The following ERC1 variants were observed in gnomAD, a reference collection of about 807,000 sequenced individuals.
ERC1 encodes RAB6 interacting protein 2.
A neutral mutation model predicts 132.0 loss-of-function variants in ERC1; 56 were observed. That is an observed-to-expected ratio of 0.42 (90% CI 0.34 to 0.53). ERC1 has a LOEUF of 0.53. Ranked by LOEUF, ERC1 falls within the 20% of genes least tolerant of loss-of-function variation. The pLI, the probability that ERC1 is intolerant of heterozygous loss-of-function variation, is 0.03. For missense variants in ERC1, 1,202 were observed against 1,349.9 expected (o/e 0.89, Z 1.72); for synonymous variants, 478 against 476.1 (o/e 1.00, Z -0.05).
intron 18 of ERC1, among the ~76,000 whole-genome samples, chr12:1,468,693 G>A (rs2093797177): frequency 6.6e-6 from 1 of 152,138 alleles, no homozygotes; most frequent in Non-Finnish European, 1.5e-5. Flanking sequence ...CAGGCTCTCA[G>A]GGATCACTGT....
intron 18 of ERC1, among the ~76,000 whole-genome samples, chr12:1,484,299 G>A (rs909200715): frequency 1.5e-4 from 23 of 149,234 alleles, no homozygotes; most frequent in African/African-American, 2.7e-4. Flanking sequence ...GCGAGACTCC[G>A]TCTCAAAAAA....
At chr12:1,117,698 T>G (rs1946598539) in intron 7 of ERC1, among the ~76,000 whole-genome samples, 1 of 152,264 alleles carries the variant, frequency 6.6e-6, no homozygotes, top group Non-Finnish European at 1.5e-5. Context: ...TTACTGCCAG[T>G]GTCTGGCACA....
At chr12:1,119,144 G>T (rs1946776098) in intron 7 of ERC1, among the ~76,000 whole-genome samples, 1 of 152,114 alleles carries the variant, frequency 6.6e-6, no homozygotes, top group African/African-American at 2.4e-5. Flanking sequence ...CTCCCAAAGT[G>T]CTCGGATTAC....
intron 2 of ERC1, among the ~76,000 whole-genome samples, chr12:1,055,399 C>T (rs1263519746): frequency 3.9e-5 from 6 of 152,064 alleles, no homozygotes; most frequent in Non-Finnish European, 5.9e-5. Flanking sequence ...AGGCTGGTCT[C>T]GAACTCCTGA....
At chr12:1,336,670 G>T (rs2083338967) in intron 15 of ERC1, among the ~76,000 whole-genome samples, 1 of 152,178 alleles carries the variant, frequency 6.6e-6, no homozygotes, top group South Asian at 2.1e-4. Flanking sequence ...GTCCAATTAT[G>T]TGGTCAGTTT....
intron 15 of ERC1, among the ~76,000 whole-genome samples, chr12:1,304,814 G>T (rs2080725756): frequency 1.0e-5 from 1 of 98,048 alleles, no homozygotes; most frequent in Non-Finnish European, 2.0e-5. Context: ...TTTTGAGACG[G>T]AGTCTCGCTC....
chr12:1,110,154 G>T, intron 4 of ERC1, 38 bp from the exon 5 acceptor site: 1 of 1,532,596 alleles, frequency 6.5e-7, no homozygotes. Context: ...CTGGGTTTTT[G>T]TGAATACTTC....
chr12:1,159,425 C>T (rs143444704), intron 8 of ERC1, among the ~76,000 whole-genome samples: 2 of 152,274 alleles, frequency 1.3e-5, no homozygotes, highest in African/African-American at 2.4e-5. Flanking sequence ...CAGGTGGTCA[C>T]GCTCACTTGT....
intron 3 of ERC1, among the ~76,000 whole-genome samples, chr12:1,096,579 A>G (rs766255152): frequency 3.9e-5 from 6 of 152,236 alleles, no homozygotes; most frequent in Non-Finnish European, 7.3e-5. Flanking sequence ...TGGACAAACT[A>G]GGCTGGGAGG....
chr12:1,478,026 C>T (rs1202085899), intron 18 of ERC1, among the ~76,000 whole-genome samples: 1 of 152,128 alleles, frequency 6.6e-6, no homozygotes, highest in Non-Finnish European at 1.5e-5. Flanking sequence ...TTGGGTTGTT[C>T]CCAGGTTTTA....
chr12:1,489,166 AGGCTT>A (rs2094288754), intron 18 of ERC1, among the ~76,000 whole-genome samples: 1 of 152,028 alleles, frequency 6.6e-6, no homozygotes, highest in Non-Finnish European at 1.5e-5. Context: ...TGCCATCCTG[AGGCTT>A]CCCTTTTCGC....
At chr12:1,318,794 G>A (rs2154353068) in intron 15 of ERC1, among the ~76,000 whole-genome samples, 1 of 152,042 alleles carries the variant, frequency 6.6e-6, no homozygotes, top group African/African-American at 2.4e-5. Flanking sequence ...GCATTGAAAG[G>A]CTGTTGGCAC....
chr12:1,015,801 CGTT>C (rs917125322), intron 1 of ERC1, among the ~76,000 whole-genome samples: 1 of 152,104 alleles, frequency 6.6e-6, no homozygotes, highest in African/African-American at 2.4e-5. Flanking sequence ...ATATTTGACT[CGTT>C]GATGAGCATA....
chr12:1,208,267 G>T (rs1193038068), intron 12 of ERC1, among the ~76,000 whole-genome samples: 1 of 152,168 alleles, frequency 6.6e-6, no homozygotes, highest in African/African-American at 2.4e-5. Flanking sequence ...ATGGCCCACA[G>T]CCCATGGCCT....
At chr12:1,200,775 G>T (rs59957408) in intron 12 of ERC1, among the ~76,000 whole-genome samples, 8,291 of 151,994 alleles carry the variant, frequency 0.055, 492 homozygotes, top group African/African-American at 0.15. Flanking sequence ...AGCCAGGATG[G>T]TCTCGATCTC....
Position 1,401,135 on chromosome 12 carries a change from C to T in ERC1, c.2926-7014C>T, listed in dbSNP as rs565316891. On this transcript the variant is annotated intron_variant, in intron 16 of 18. Coordinates refer to ENST00000360905, the MANE Select transcript of ERC1 (RefSeq NM_178040.4). ...TATTTTTAGTAGAGACGGGGTTTCACGTGTTAGCCAGGATGGTCTCCATCT... is the reference window on the plus strand; with the variant it reads ...TATTTTTAGTAGAGACGGGGTTTCATGTGTTAGCCAGGATGGTCTCCATCT... Among the ~76,000 whole-genome samples the T allele has an allele frequency of 9.3e-4, 140 of 150,282 alleles. 2 individuals carry two copies. The highest frequency in any genetic ancestry group is 1.7e-3 in the Non-Finnish European group (116 of 67,828).
chr12:1,288,708 G>T (rs1040845357), intron 14 of ERC1, among the ~76,000 whole-genome samples: 2 of 152,124 alleles, frequency 1.3e-5, no homozygotes, highest in African/African-American at 4.8e-5. Flanking sequence ...TCAATGAATG[G>T]CAAATGCCCC....
In ERC1 at chr12:1,494,639, G is replaced by A. The variant is rs1355200894; in HGVS notation, c.*4409G>A. 1 of 231,234 alleles carries A rather than the reference G, an allele frequency of 4.3e-6. No individual in the cohort carries two copies. The highest frequency in any genetic ancestry group is 6.1e-5 in the East Asian group (1 of 16,328). The allele number at this position is 231,234 out of a possible 1,614,324, so 14.3% of individuals were successfully genotyped here. ...TAGGTACTTCTCCTGACTCTTGGGG[G>A]AGAAGTGGTTTTAGGGATTGATTTG... On this transcript the variant is annotated 3_prime_UTR_variant, in exon 19 of 19. Coordinates refer to ENST00000360905, the MANE Select transcript of ERC1 (RefSeq NM_178040.4).
intron 16 of ERC1, among the ~76,000 whole-genome samples, chr12:1,376,838 G>A (rs749788366): frequency 6.6e-5 from 10 of 152,108 alleles, no homozygotes; most frequent in African/African-American, 9.7e-5. Flanking sequence ...CTCTCCATCC[G>A]TAAAGAACCA....
Sources: gnomAD v4.1 joint callset for allele counts (sites outside exome capture counted in the v4.1 genomes callset) on GRCh38, gnomAD v4.1.1 for gene constraint, MANE v1.5 for transcripts, NCBI Gene and HGNC (gene_info 2026-07-23, HGNC 2026-07-21) for gene names.